The following LIN7A variants were observed in gnomAD, a reference collection of about 807,000 sequenced individuals.
The protein encoded by LIN7A is protein lin-7 homolog A.
In LIN7A, 25 loss-of-function variants were observed where a neutral mutation model predicts 29.8. The ratio of observed to expected loss-of-function variants is 0.84; its 90% CI spans 0.61 to 1.17. The LOEUF is 1.17. LIN7A is among the 50% of genes most tolerant of loss of function. The pLI is 0.00. For synonymous variants in LIN7A, 118 were observed against 107.5 expected (o/e 1.10, Z -0.60); for missense variants, 239 against 287.0 (o/e 0.83, Z 1.21).
intron 1 of LIN7A, among the ~76,000 whole-genome samples, chr12:80,933,041 C>T (rs936080366): frequency 6.6e-6 from 1 of 152,204 alleles, no homozygotes. Flanking sequence ...ACATGTACTA[C>T]TTTCTATACC....
rs926310630 is a variant in LIN7A, at chr12:80,889,507, C to T, written c.83-138G>A. 4 of 603,670 alleles carry T rather than the reference C, an allele frequency of 6.6e-6. No individual in the cohort carries two copies. In the African/African-American group the frequency reaches 7.5e-5, roughly 11 times the overall value. The allele number at this position is 603,670 out of a possible 1,614,324, so 37.4% of individuals were successfully genotyped here. A position where few individuals can be genotyped will look rare whatever the true frequency, so the allele number is the denominator to read the frequency against. ...GCATAATCAGAACTTATATTCATAG[C>T]TTTTTGGTCTCATCTTTTGGTAAAA... On this transcript the variant is annotated intron_variant, in intron 1 of 5. Coordinates refer to ENST00000552864, the MANE Select transcript of LIN7A (RefSeq NM_004664.4).
At chr12:80,862,227 T>A (rs1873916595) in intron 2 of LIN7A, among the ~76,000 whole-genome samples, 1 of 152,208 alleles carries the variant, frequency 6.6e-6, no homozygotes, top group Admixed American at 6.5e-5. Flanking sequence ...TTCATCATAT[T>A]TCACAATTTC....
chr12:80,816,811 C>T (rs926477892), intron 4 of LIN7A, among the ~76,000 whole-genome samples: 1 of 151,832 alleles, frequency 6.6e-6, no homozygotes, highest in Non-Finnish European at 1.5e-5. Flanking sequence ...CTCTGTCACC[C>T]AGGCAGGAGT....
At chr12:80,875,415 C>T (rs952109335) in intron 2 of LIN7A, among the ~76,000 whole-genome samples, 4 of 152,156 alleles carry the variant, frequency 2.6e-5, no homozygotes, top group African/African-American at 9.7e-5. Context: ...GTATACATTA[C>T]CAACTTTTAT....
chr12:80,813,542 T>C (rs1378409171), intron 4 of LIN7A, among the ~76,000 whole-genome samples: 1 of 152,118 alleles, frequency 6.6e-6, no homozygotes, highest in Non-Finnish European at 1.5e-5. Flanking sequence ...ACTTATAAGA[T>C]AGATACAGAA....
chr12:80,899,034 G>A (rs140480640), intron 1 of LIN7A, among the ~76,000 whole-genome samples: 81 of 152,260 alleles, frequency 5.3e-4, no homozygotes, highest in Non-Finnish European at 1.0e-3. Flanking sequence ...TAGGAGTGGT[G>A]ATAAGGCATC....
intron 4 of LIN7A, among the ~76,000 whole-genome samples, chr12:80,830,832 A>G (rs545744512): frequency 5.7e-4 from 86 of 152,030 alleles, no homozygotes; most frequent in African/African-American, 1.9e-3. Flanking sequence ...AATGATCTGA[A>G]TGTTCTTCCC....
intron 1 of LIN7A, among the ~76,000 whole-genome samples, chr12:80,929,033 CAG>C (rs945651966): frequency 5.9e-5 from 9 of 151,786 alleles, no homozygotes; most frequent in African/African-American, 2.2e-4. Flanking sequence ...TTTAATTTTC[CAG>C]AGAGTTTTTA....
chr12:80,903,689 T>C (rs1592938585), intron 1 of LIN7A, among the ~76,000 whole-genome samples: 1 of 152,234 alleles, frequency 6.6e-6, no homozygotes, highest in Non-Finnish European at 1.5e-5. Context: ...TTTTCCTTTT[T>C]GTAGATAACC....
At chr12:80,913,222 G>T (rs932948410) in intron 1 of LIN7A, among the ~76,000 whole-genome samples, 4 of 152,110 alleles carry the variant, frequency 2.6e-5, no homozygotes, top group African/African-American at 9.7e-5. Context: ...AAATTAACAG[G>T]TATTAAATAG....
intron 2 of LIN7A, among the ~76,000 whole-genome samples, chr12:80,888,331 G>A (rs1224172908): frequency 6.6e-6 from 1 of 152,078 alleles, no homozygotes; most frequent in Non-Finnish European, 1.5e-5. Context: ...GGTCTTTCCT[G>A]CCTAGCGACT....
At chr12:80,805,356 A>AGAAGGTAGAGAAGGGTTTT (rs762792079) in intron 5 of LIN7A, among the ~76,000 whole-genome samples, 67 of 152,270 alleles carry the variant, frequency 4.4e-4, no homozygotes, top group Non-Finnish European at 8.5e-4. Flanking sequence ...TAATGCTAGA[A>AGAAGGTAGAGAAGGGTTTT]GAAGGTAGAG....
At chr12:80,913,219 CA>C (rs1445394458) in intron 1 of LIN7A, among the ~76,000 whole-genome samples, 3 of 152,208 alleles carry the variant, frequency 2.0e-5, no homozygotes, top group Non-Finnish European at 4.4e-5. Flanking sequence ...CATAAATTAA[CA>C]GGTATTAAAT....
intron 2 of LIN7A, 25 bp downstream of exon 2, chr12:80,889,226 A>T: frequency 8.3e-7 from 1 of 1,198,352 alleles, no homozygotes; most frequent in Non-Finnish European, 1.2e-6. Context: ...GGCTGAATTT[A>T]GTTATTAAAA....
chr12:80,916,353 C>T (rs1212020645), intron 1 of LIN7A, among the ~76,000 whole-genome samples: 3 of 152,136 alleles, frequency 2.0e-5, no homozygotes, highest in East Asian at 1.9e-4. Flanking sequence ...TTCTCTCTTT[C>T]TCTTTCTCTC....
intron 3 of LIN7A, among the ~76,000 whole-genome samples, chr12:80,846,706 G>A (rs955067205): frequency 6.6e-6 from 1 of 151,948 alleles, no homozygotes; most frequent in Non-Finnish European, 1.5e-5. Flanking sequence ...TTTATACCTA[G>A]ATATACAAAA....
intron 5 of LIN7A, among the ~76,000 whole-genome samples, chr12:80,807,217 G>T (rs781002806): frequency 6.6e-6 from 1 of 151,586 alleles, no homozygotes; most frequent in East Asian, 1.9e-4. Context: ...GACTACAGGC[G>T]CCCGCCACCA....
chr12:80,858,954 A>G (rs1179575054), intron 2 of LIN7A, among the ~76,000 whole-genome samples: 1 of 152,194 alleles, frequency 6.6e-6, no homozygotes, highest in Non-Finnish European at 1.5e-5. Context: ...ATATCAGCTA[A>G]TCAAATGAAT....
chr12:80,897,992 T>C (rs1280661710), intron 1 of LIN7A, among the ~76,000 whole-genome samples: 1 of 152,132 alleles, frequency 6.6e-6, no homozygotes, highest in Non-Finnish European at 1.5e-5. Context: ...TCCCATTTGT[T>C]AGGTTTTGGT....
Sources: allele counts gnomAD v4.1 joint callset (sites outside exome capture counted in the v4.1 genomes callset), GRCh38; gene constraint gnomAD v4.1.1; transcripts MANE v1.5; gene names NCBI Gene and HGNC (gene_info 2026-07-23, HGNC 2026-07-21).